NHLRC3: variants seen among roughly 807,000 people sequenced by gnomAD.
The protein encoded by NHLRC3 is NHL repeat-containing protein 3.
Under a neutral mutation model 32.0 loss-of-function variants are expected in NHLRC3, and 23 were observed. The observed-to-expected ratio is 0.72, with a 90% CI of 0.52 to 1.02. The LOEUF is 1.02. NHLRC3 is among the 50% of genes least tolerant of loss of function. The pLI, the probability that NHLRC3 is intolerant of heterozygous loss-of-function variation, is 0.00. For synonymous variants in NHLRC3, 159 were observed against 147.9 expected (o/e 1.08, Z -0.55); for missense variants, 407 against 406.8 (o/e 1.00, Z -0.01).
intron 6 of NHLRC3, 120 bp from the exon 7 acceptor site, chr13:39,047,554 G>A: frequency 2.9e-6 from 2 of 687,126 alleles, no homozygotes; most frequent in South Asian, 4.3e-5. Flanking sequence ...CTTCTTAAAA[G>A]AATCATTCAG....
rs1407858244 is a variant in NHLRC3, at chr13:39,042,226, A to G, written c.507A>G (p.Leu169=). 6.2e-7 allele frequency: 1 copy of G among 1,611,768 alleles called. No homozygotes were observed. Among genetic ancestry groups the G allele is most frequent in the Non-Finnish European group, 8.5e-7 (1 of 1,177,934 alleles). The stretch of plus-strand genomic sequence containing the variant: ...TGCAGTTTGATAACCCAGCAGAATT[A>G]TATGTAGAGGACACAGGAGATATTT... ...NPLQFDNPAE[L]YVEDTGDIYI... Residue 169 remains leucine (L), a synonymous_variant, in exon 4 of 7, where the codon TTA becomes TTG. Transcript: ENST00000379600.
Position 39,048,715 on chromosome 13 carries a change from G to C in NHLRC3, c.*789G>C, listed in dbSNP as rs1171477868. 6.6e-6 allele frequency: 1 copy of C among 152,160 alleles called. No homozygotes were observed. Among genetic ancestry groups the C allele is most frequent in the Non-Finnish European group, 1.5e-5 (1 of 68,022 alleles). The allele number at this position is 152,160 out of a possible 1,614,324, so 9.4% of individuals were successfully genotyped here. A position where few individuals can be genotyped will look rare whatever the true frequency, so the allele number is the denominator to read the frequency against. On this transcript the variant is annotated 3_prime_UTR_variant, in exon 7 of 7. Coordinates refer to ENST00000379600, the MANE Select transcript of NHLRC3 (RefSeq NM_001012754.4). ...TTTTTTAAAGCCCAACTTGGCTTCT[G>C]TCCATTACCTATAAGATATTTAATG...
chr13:39,039,978 A>G (rs1871395150), intron 3 of NHLRC3: 1 of 182,674 alleles, frequency 5.5e-6, no homozygotes, highest in Non-Finnish European at 1.1e-5. Context: ...GATCGAGACG[A>G]TCCTGGCCAA....
rs750153636 is a variant in NHLRC3, at chr13:39,038,666, C to T, written c.27C>T (p.Ala9=). 4 of 1,614,178 alleles carry T rather than the reference C, an allele frequency of 2.5e-6. No individual in the cohort carries two copies. The highest frequency in any genetic ancestry group is 3.3e-5 in the Admixed American group (2 of 60,024). MARFWVCV[A]GAGFFLAFLV... is the part of the protein sequence containing the mutation. ...TGGCGAGATTCTGGGTCTGCGTAGCCGGTGCTGGCTTCTTTCTTGCATTTT... is the reference window on the plus strand; with the variant it reads ...TGGCGAGATTCTGGGTCTGCGTAGCTGGTGCTGGCTTCTTTCTTGCATTTT... The change falls in exon 1 of 7, where the codon GCC becomes GCT. Residue 9 remains alanine (A), a synonymous_variant. Coordinates refer to ENST00000379600, the MANE Select transcript of NHLRC3 (RefSeq NM_001012754.4).
intron 3 of NHLRC3, chr13:39,041,308 G>A (rs1593550827): frequency 1.3e-5 from 2 of 152,004 alleles, no homozygotes; most frequent in Non-Finnish European, 1.5e-5. Context: ...CTGTCTAAAA[G>A]TGTAATAGTA....
rs1212718538 is a variant in NHLRC3, at chr13:39,044,323, ATG to A, written c.678+148_678+149del. The A allele has an allele frequency of 4.5e-6, 3 of 669,782 alleles. No homozygotes were observed. The African/African-American group carries it at 5.4e-5, about 12-fold the overall frequency. The allele number at this position is 669,782 out of a possible 1,614,324, so 41.5% of individuals were successfully genotyped here. A position where few individuals can be genotyped will look rare whatever the true frequency, so the allele number is the denominator to read the frequency against. On this transcript the variant is annotated intron_variant, in intron 5 of 6. Coordinates refer to ENST00000379600, the MANE Select transcript of NHLRC3 (RefSeq NM_001012754.4). Reference sequence around the variant, plus strand: ...CATGTGTGTCTGGGCATGTGGATACATGTGTGTTAGTGGGTATGTCTGGGTAA... The same window carrying A: ...CATGTGTGTCTGGGCATGTGGATACATGTGTTAGTGGGTATGTCTGGGTAA...
chr13:39,039,085 T>TTTTTTTAGG, intron 1 of NHLRC3, 51 bp from the exon 2 acceptor site: 1 of 1,328,016 alleles, frequency 7.5e-7, no homozygotes, highest in East Asian at 2.4e-5. Flanking sequence ...GCCCTTTTTT[T>TTTTTTTAGG]GTTCTTACCT....
rs1191468572 is a variant in NHLRC3, at chr13:39,048,919, G to A, written c.*993G>A. On this transcript the variant is annotated 3_prime_UTR_variant, in exon 7 of 7. Coordinates refer to ENST00000379600, the MANE Select transcript of NHLRC3 (RefSeq NM_001012754.4). ...TTTGTCTACCTCAAAGAAATTTCAA[G>A]ATTATTTAGATAACATGGATATGTG... 6.6e-6 allele frequency: 1 copy of A among 152,148 alleles called. No homozygotes were observed. Among genetic ancestry groups the A allele is most frequent in the African/African-American group, 2.4e-5 (1 of 41,282 alleles). 9.4% of individuals were successfully genotyped at this position (152,148 alleles called of 1,614,324 possible).
chr13:39,039,431 G>C, intron 2 of NHLRC3, 133 bp from the exon 3 acceptor site: 1 of 1,105,018 alleles, frequency 9.0e-7, no homozygotes, highest in Admixed American at 2.5e-5. Context: ...TTTTGGTTTC[G>C]AATGTGAAAG....
chr13:39,044,540 T>A (rs1479703431), intron 5 of NHLRC3: 1 of 197,710 alleles, frequency 5.1e-6, no homozygotes, highest in African/African-American at 2.3e-5. Context: ...CTGGGAAAAC[T>A]CCACTAAAAG....
rs1014325624 is a variant in NHLRC3 at position 39,046,317 on chromosome 13, T to C, written c.679-723T>C. On this transcript the variant is annotated intron_variant, in intron 5 of 6. Transcript: ENST00000379600. Reference sequence around the variant, plus strand: ...CTGGGTGACAGAGCGAGACTCCATCTCAAAAAATAAAAAAAACCATTTCCC... The same window carrying C: ...CTGGGTGACAGAGCGAGACTCCATCCCAAAAAATAAAAAAAACCATTTCCC... Among the ~76,000 whole-genome samples, 8 of 152,052 alleles carry C rather than the reference T, an allele frequency of 5.3e-5. 1 individual carries two copies. Among genetic ancestry groups the C allele is most frequent in the Non-Finnish European group, 5.9e-5 (4 of 68,010 alleles).
In NHLRC3 at chr13:39,049,815, T is replaced by A. The variant is rs989924496; in HGVS notation, c.*1889T>A. On this transcript the variant is annotated 3_prime_UTR_variant, in exon 7 of 7. Transcript: ENST00000379600. ...AGCCAGGACAAGAAGTGCAAATGCC[T>A]CTTTGAAGCAATTCAGGCTAGGTAA... 5 of 152,244 alleles carry A rather than the reference T, an allele frequency of 3.3e-5. No homozygotes were observed. The highest frequency in any genetic ancestry group is 7.3e-5 in the Non-Finnish European group (5 of 68,038). The allele number at this position is 152,244 out of a possible 1,614,324, so 9.4% of individuals were successfully genotyped here.
intron 5 of NHLRC3, among the ~76,000 whole-genome samples, chr13:39,046,806 T>G (rs968781145): frequency 6.6e-6 from 1 of 152,236 alleles, no homozygotes; most frequent in Non-Finnish European, 1.5e-5. Context: ...CAGAGTATTA[T>G]AAGCTTTGGG....
At position 39,039,008 on chromosome 13, in the gene NHLRC3, T is replaced by C. The variant is rs146196322; in HGVS notation, c.85-128T>C. 1.5e-5 allele frequency: 11 copies of C among 747,756 alleles called. No individual in the cohort carries two copies. The African/African-American group carries it at 1.8e-4, about 12-fold the overall frequency. The allele number at this position is 747,756 out of a possible 1,614,324, so 46.3% of individuals were successfully genotyped here. On this transcript the variant is annotated intron_variant, in intron 1 of 6. Coordinates refer to ENST00000379600, the MANE Select transcript of NHLRC3 (RefSeq NM_001012754.4). ...ATCTAAGCTCATTTCTTTGGAATTATTTCAGTCCAGCAAACTTCTAGTTGT... is the reference window on the plus strand; with the variant it reads ...ATCTAAGCTCATTTCTTTGGAATTACTTCAGTCCAGCAAACTTCTAGTTGT...
At position 39,049,830 on chromosome 13, in the gene NHLRC3, A is replaced by G. The variant is rs1398697864; in HGVS notation, c.*1904A>G. 2.0e-5 allele frequency: 3 copies of G among 152,206 alleles called. No homozygotes were observed. The highest frequency in any genetic ancestry group is 4.4e-5 in the Non-Finnish European group (3 of 68,040). 9.4% of individuals were successfully genotyped at this position (152,206 alleles called of 1,614,324 possible). On this transcript the variant is annotated 3_prime_UTR_variant, in exon 7 of 7. Transcript: ENST00000379600. ...TGCAAATGCCTCTTTGAAGCAATTC[A>G]GGCTAGGTAAACCGATTTTGCCATT...
intron 5 of NHLRC3, 44 bp from the exon 6 acceptor site, chr13:39,046,996 T>C (rs749416308): frequency 8.5e-7 from 1 of 1,171,338 alleles, no homozygotes. Context: ...CCCTTTTTTC[T>C]TCTCATGGAT....
rs866933909 is a variant in NHLRC3 at position 39,039,420 on chromosome 13, A to G, written c.237+132A>G. 31 of 1,085,916 alleles carry G rather than the reference A, an allele frequency of 2.9e-5. No homozygotes were observed. In the Middle Eastern group the frequency reaches 2.5e-3, roughly 87 times the overall value. 67.3% of individuals were successfully genotyped at this position (1,085,916 alleles called of 1,614,324 possible). A position where few individuals can be genotyped will look rare whatever the true frequency, so the allele number is the denominator to read the frequency against. On this transcript the variant is annotated intron_variant, in intron 2 of 6. Coordinates refer to ENST00000379600, the MANE Select transcript of NHLRC3 (RefSeq NM_001012754.4). ...ATTTATTTTTGAGTTGGTCTCAAGT[A>G]TTTTGGTTTCGAATGTGAAAGATAT...
intron 5 of NHLRC3, among the ~76,000 whole-genome samples, chr13:39,045,251 T>C (rs751754855): frequency 2.6e-5 from 4 of 152,170 alleles, no homozygotes; most frequent in Non-Finnish European, 4.4e-5. Flanking sequence ...AATTGGGAAC[T>C]GGAAACTTTG....
In NHLRC3 at chr13:39,048,031, A is replaced by T; in HGVS notation, c.*105A>T. On this transcript the variant is annotated 3_prime_UTR_variant, in exon 7 of 7. Transcript: ENST00000379600. ...AGAATTTATTTTTCTAGTATAAAAG[A>T]TCTAGTATCAGAAAGATTTGTTTTT... 1 of 926,184 alleles carries T rather than the reference A, an allele frequency of 1.1e-6. No homozygotes were observed. Among genetic ancestry groups the T allele is most frequent in the East Asian group, 2.5e-5 (1 of 40,548 alleles). The allele number at this position is 926,184 out of a possible 1,614,324, so 57.4% of individuals were successfully genotyped here. A position where few individuals can be genotyped will look rare whatever the true frequency, so the allele number is the denominator to read the frequency against.
Sources: gnomAD v4.1 joint callset for allele counts (sites outside exome capture counted in the v4.1 genomes callset) on GRCh38, gnomAD v4.1.1 for gene constraint, MANE v1.5 for transcripts, NCBI Gene and HGNC (gene_info 2026-07-23, HGNC 2026-07-21) for gene names.